TTLL1: variants seen among roughly 807,000 people sequenced by gnomAD.
TTLL1 encodes the protein TTL family tubulin polyglutamylase complex subunit L1, also known as polyglutamylase complex subunit TTLL1.
Under a neutral mutation model 47.8 loss-of-function variants are expected in TTLL1, and 33 were observed. That is an observed-to-expected ratio of 0.69 (90% confidence interval 0.52 to 0.92). The LOEUF (loss-of-function observed/expected upper bound fraction) is 0.92, where lower values mean the gene tolerates loss of function less well. Ranked by LOEUF, TTLL1 falls within the 40% of genes least tolerant of loss-of-function variation. The probability of loss-of-function intolerance (pLI) is 0.00; values close to 1 mark genes in which losing one functional copy is unlikely to be tolerated. For missense variants in TTLL1, 488 were observed against 547.5 expected, an observed-to-expected ratio of 0.89 and a Z score of 1.08; for synonymous variants, 225 against 214.1, an observed-to-expected ratio of 1.05 and a Z score of -0.45.
chr22:43,049,497 T>C (rs1926421168), intron 9 of TTLL1, among the ~76,000 whole-genome samples: 1 of 149,702 alleles, frequency 6.7e-6, no homozygotes, highest in South Asian at 2.1e-4. Flanking sequence ...CACTCCAGCC[T>C]GGGCAACAAG....
chr22:43,046,288 A>G, intron 10 of TTLL1, 122 bp downstream of exon 10: 3 of 1,030,214 alleles, frequency 2.9e-6, no homozygotes, highest in South Asian at 3.2e-5. Context: ...TCATGTCATT[A>G]GTAAATGAAA....
intron 1 of TTLL1, among the ~76,000 whole-genome samples, chr22:43,086,169 C>G (rs759825549): frequency 6.6e-6 from 1 of 152,184 alleles, no homozygotes; most frequent in Non-Finnish European, 1.5e-5. Context: ...TACTGAGTAA[C>G]GTGTTATTAT....
chr22:43,043,990 A>G (rs543102973), intron 10 of TTLL1, among the ~76,000 whole-genome samples: 1 of 151,996 alleles, frequency 6.6e-6, no homozygotes, highest in Non-Finnish European at 1.5e-5. Context: ...GGAGTCCCCA[A>G]GCCTCGTCAC....
rs573223885 is a variant in TTLL1, at chr22:43,044,498, G to T, written c.1142+1912C>A. On this transcript the variant is annotated intron_variant, in intron 10 of 10. Transcript: ENST00000266254. ...CTACAAGCCTGACGTCTCTGTGTGT[G>T]TGTGTAAATTTCACTAAATATTTCT... Among the ~76,000 whole-genome samples the T allele has an allele frequency of 3.9e-5, 6 of 152,280 alleles. No homozygotes were observed. In the South Asian group the frequency reaches 1.2e-3, roughly 32 times the overall value.
intron 3 of TTLL1, among the ~76,000 whole-genome samples, chr22:43,074,805 C>T (rs879790238): frequency 2.9e-4 from 44 of 151,932 alleles, no homozygotes; most frequent in African/African-American, 9.4e-4. Context: ...TTTGGGAGGC[C>T]GAGATGGGAA....
At chr22:43,069,957 A>C in intron 3 of TTLL1, 113 bp from the exon 4 acceptor site, 1 of 1,455,406 alleles carries the variant, frequency 6.9e-7, no homozygotes, top group Non-Finnish European at 9.2e-7. Flanking sequence ...CACTACTCCC[A>C]CATCCCCTGG....
chr22:43,076,333 G>A (rs1036585013), intron 2 of TTLL1, among the ~76,000 whole-genome samples: 87 of 152,142 alleles, frequency 5.7e-4, no homozygotes, highest in African/African-American at 1.9e-3. Flanking sequence ...GTGCGCACCC[G>A]TAATCCCAAC....
chr22:43,066,277 G>GTCA (rs1400530136), intron 5 of TTLL1, among the ~76,000 whole-genome samples: 1 of 152,070 alleles, frequency 6.6e-6, no homozygotes, highest in African/African-American at 2.4e-5. Flanking sequence ...GAGGGGCTGG[G>GTCA]TCATCAGGAA....
chr22:43,083,023 T>C (rs147860656), intron 1 of TTLL1, among the ~76,000 whole-genome samples: 1 of 81,280 alleles, frequency 1.2e-5, no homozygotes, highest in African/African-American at 3.4e-5. Flanking sequence ...TCAAAAATAA[T>C]AAAATAATAA....
intron 1 of TTLL1, among the ~76,000 whole-genome samples, chr22:43,080,901 A>AC (rs1928832378): frequency 4.3e-5 from 2 of 46,192 alleles, no homozygotes; most frequent in Non-Finnish European, 1.0e-4. Flanking sequence ...GTGTTGCATG[A>AC]CTTTTTTTTT....
chr22:43,068,380 C>G (rs752704073), intron 5 of TTLL1, 30 bp downstream of exon 5: 1 of 1,448,556 alleles, frequency 6.9e-7, no homozygotes, highest in East Asian at 2.4e-5. Flanking sequence ...TGGGACCTGG[C>G]ACACAAAGTG....
At chr22:43,066,246 A>T (rs1927727447) in intron 5 of TTLL1, among the ~76,000 whole-genome samples, 1 of 151,892 alleles carries the variant, frequency 6.6e-6, no homozygotes, top group Non-Finnish European at 1.5e-5. Flanking sequence ...AGCTGGCAAC[A>T]CGCTCCCGGC....
intron 9 of TTLL1, among the ~76,000 whole-genome samples, chr22:43,048,182 T>C (rs1028146205): frequency 6.6e-6 from 1 of 151,770 alleles, no homozygotes; most frequent in African/African-American, 2.4e-5. Flanking sequence ...CCAAGTGTGG[T>C]GGCAGGCGCC....
chr22:43,062,147 C>T (rs887444962), intron 7 of TTLL1, among the ~76,000 whole-genome samples: 3 of 152,196 alleles, frequency 2.0e-5, no homozygotes, highest in Middle Eastern at 3.4e-3. Context: ...ATGGGGCCTC[C>T]GATGGGGCTA....
At chr22:43,081,584 C>T (rs1358013840) in intron 1 of TTLL1, among the ~76,000 whole-genome samples, 1 of 152,026 alleles carries the variant, frequency 6.6e-6, no homozygotes, top group Non-Finnish European at 1.5e-5. Flanking sequence ...GAGTCTCGCT[C>T]AGTCGCCCAG....
chr22:43,087,523 C>G (rs898386822), intron 1 of TTLL1, among the ~76,000 whole-genome samples: 1 of 83,626 alleles, frequency 1.2e-5, no homozygotes, highest in African/African-American at 4.6e-5. Flanking sequence ...GACTCCATCT[C>G]AAAAAAAAAA....
intron 7 of TTLL1, among the ~76,000 whole-genome samples, chr22:43,061,444 G>C (rs1294189458): frequency 6.6e-6 from 1 of 152,206 alleles, no homozygotes; most frequent in East Asian, 1.9e-4. Context: ...ATGGGCAGAG[G>C]ACCGAGTCCA....
intron 7 of TTLL1, among the ~76,000 whole-genome samples, chr22:43,059,853 C>G (rs1360138255): frequency 6.6e-6 from 1 of 152,070 alleles, no homozygotes; most frequent in Non-Finnish European, 1.5e-5. Flanking sequence ...CTATGCCTGG[C>G]TAATTTTTAA....
intron 8 of TTLL1, among the ~76,000 whole-genome samples, chr22:43,056,329 A>T (rs1325107212): frequency 6.0e-5 from 9 of 150,194 alleles, no homozygotes; most frequent in Non-Finnish European, 8.9e-5. Context: ...ACTGCACTCC[A>T]GCCTGGCGAC....
Sources: allele counts gnomAD v4.1 joint callset (sites outside exome capture counted in the v4.1 genomes callset), GRCh38; gene constraint gnomAD v4.1.1; transcripts MANE v1.5; gene names NCBI Gene and HGNC (gene_info 2026-07-23, HGNC 2026-07-21).